Variants in GRIN1 observed in about 807,000 individuals in gnomAD.
GRIN1 encodes the protein glutamate receptor ionotropic, NMDA 1.
A neutral mutation model predicts 103.0 loss-of-function variants in GRIN1; 38 were observed. The observed-to-expected ratio is 0.37, with a 90% CI of 0.28 to 0.48. The LOEUF is 0.48. GRIN1 is among the 20% of genes least tolerant of loss of function. The pLI is 0.98. For missense variants in GRIN1, 577 were observed against 1,288.9 expected (o/e 0.45, Z 8.46); for synonymous variants, 544 against 532.7 (o/e 1.02, Z -0.29).
At position 137,167,433 on chromosome 9, in the gene GRIN1, C is replaced by T; in HGVS notation, c.2723C>T (p.Ala908Val). The T allele has an allele frequency of 6.4e-7, 1 of 1,559,906 alleles. No individual in the cohort carries two copies. The highest frequency in any genetic ancestry group is 8.7e-7 in the Non-Finnish European group (1 of 1,152,068). Residue 908 changes from alanine to valine, a missense_variant, in exon 20 of 20, where the codon GCT becomes GTT. Around this residue, in one of 9 missense-constraint regions of GRIN1, gnomAD observed 68 missense variants for 113.0 expected, o/e 0.60. Transcript: ENST00000371561. ...TAGAGCACCGGGGGTGGACGCGGCGCTTTGCAAAACCAAAAAGACACAGTG... is the reference window on the plus strand; with the variant it reads ...TAGAGCACCGGGGGTGGACGCGGCGTTTTGCAAAACCAAAAAGACACAGTG... Reference protein sequence around the residue: ...KDTSTGGGRGALQNQKDTVLP... With the variant: ...KDTSTGGGRGVLQNQKDTVLP...
intron 4 of GRIN1, among the ~76,000 whole-genome samples, chr9:137,153,484 TA>T (rs1490113789): frequency 1.3e-5 from 2 of 151,662 alleles, no homozygotes; most frequent in Non-Finnish European, 2.9e-5. Context: ...CACCATCATG[TA>T]CAGGTCATAC....
At position 137,148,899 on chromosome 9, in the gene GRIN1, G is replaced by A. The variant is rs566150891; in HGVS notation, c.571-110G>A. The A allele has an allele frequency of 2.5e-5, 20 of 787,724 alleles. No homozygotes were observed. The African/African-American group carries it at 3.4e-4, about 13-fold the overall frequency. 48.8% of individuals were successfully genotyped at this position (787,724 alleles called of 1,614,324 possible). On this transcript the variant is annotated intron_variant, in intron 3 of 19. Transcript: ENST00000371561. ...CAGGTGGCAGGCGCAGACCATGGCA[G>A]CCCTAGCTAAGCTGCCTCGGGGTTC...
intron 4 of GRIN1, among the ~76,000 whole-genome samples, chr9:137,151,345 G>A (rs1832898543): frequency 6.9e-6 from 1 of 145,962 alleles, no homozygotes; most frequent in Non-Finnish European, 1.5e-5. Flanking sequence ...TCCGCCCAGG[G>A]AAAGCCCCGC....
Position 137,161,284 on chromosome 9 carries a change from C to A in GRIN1, c.1340-5C>A. On this transcript the variant is annotated splice_region_variant and splice_polypyrimidine_tract_variant and intron_variant, in intron 9 of 19. Coordinates refer to ENST00000371561, the MANE Select transcript of GRIN1 (RefSeq NM_007327.4). ...GCCCAGCAGTTACCGCCCGCACCTA[C>A]CCAGCCCGCCACACGGTGCCTCAGT... is the stretch of plus-strand genomic sequence containing the variant. The A allele has an allele frequency of 6.2e-7, 1 of 1,612,074 alleles. No homozygotes were observed. Among genetic ancestry groups the A allele is most frequent in the Non-Finnish European group, 8.5e-7 (1 of 1,179,536 alleles).
At chr9:137,161,708 TGGAGTGGGCGGGGC>T (rs1397685717) in intron 10 of GRIN1, among the ~76,000 whole-genome samples, 320 of 4,648 alleles carry the variant, frequency 0.069, 3 homozygotes, top group African/African-American at 0.2. Flanking sequence ...GGGCGGGACG[TGGAGTGGGCGGGGC>T]CTGCTGGCTG....
chr9:137,159,564 C>T (rs920538004), intron 8 of GRIN1, among the ~76,000 whole-genome samples: 6 of 152,220 alleles, frequency 3.9e-5, no homozygotes, highest in African/African-American at 1.4e-4. Flanking sequence ...CATTGCAGCC[C>T]AGACACCTCA....
rs754711981 is a variant in GRIN1, at chr9:137,139,697, G to A, written c.211G>A (p.Ala71Thr). 2 of 1,613,912 alleles carry A rather than the reference G, an allele frequency of 1.2e-6. No individual in the cohort carries two copies. ...CACCTCCGTCACGCACAAGCCCAAC[G>A]CCATCCAGATGGCTCTGTCGGTGTG... ...NATSVTHKPN[A>T]IQMALSVCED... is the part of the protein sequence containing the mutation. The change falls in exon 1 of 20, where the codon GCC becomes ACC. Residue 71 changes from alanine (A) to threonine (T), a missense_variant. Around this residue, in one of 9 missense-constraint regions of GRIN1, gnomAD observed 308 missense variants for 553.6 expected, o/e 0.56. Coordinates refer to ENST00000371561, the MANE Select transcript of GRIN1 (RefSeq NM_007327.4). This position sits in a 1 kb window ranked among gnomAD's most constrained non-coding sequence, Gnocchi z 7.7.
rs796496684 is a variant in GRIN1, at chr9:137,151,078, GA to G, written c.671+1977del. ...TCCCGCCCAGGGAAAGCCCCGCCCAGAAAAAAAACCCGCCCAGGGAAAGCCC... is the reference window on the plus strand; with the variant it reads ...TCCCGCCCAGGGAAAGCCCCGCCCAGAAAAAAACCCGCCCAGGGAAAGCCC... On this transcript the variant is annotated intron_variant, in intron 4 of 19. Coordinates refer to ENST00000371561, the MANE Select transcript of GRIN1 (RefSeq NM_007327.4). Among the ~76,000 whole-genome samples, 44 of 86,038 alleles carry G rather than the reference GA, an allele frequency of 5.1e-4. 1 individual carries two copies. Among genetic ancestry groups the G allele is most frequent in the African/African-American group, 1.4e-3 (31 of 21,404 alleles). The allele number at this position is 86,038 out of a possible 152,430, so 56.4% of individuals were successfully genotyped here.
In GRIN1 at chr9:137,139,389, G is replaced by A. The variant is rs907367017; in HGVS notation, c.-98G>A. ...GGGAGACGTGGCGTCCGCAGCCCGC[G>A]GGGCCGGGCGAGCGCAGGACGGCCC... On this transcript the variant is annotated 5_prime_UTR_variant, in exon 1 of 20. Transcript: ENST00000371561. This position sits in a 1 kb window ranked among gnomAD's most constrained non-coding sequence, Gnocchi z 7.7. 1 of 779,654 alleles carries A rather than the reference G, an allele frequency of 1.3e-6. No homozygotes were observed. Among genetic ancestry groups the A allele is most frequent in the Non-Finnish European group, 1.7e-6 (1 of 589,156 alleles). The allele number at this position is 779,654 out of a possible 1,614,324, so 48.3% of individuals were successfully genotyped here.
chr9:137,162,101 C>A lies in GRIN1; in HGVS notation c.1632+13C>A. 1 of 248,564 alleles carries A rather than the reference C, an allele frequency of 4.0e-6. No individual in the cohort carries two copies. The highest frequency in any genetic ancestry group is 7.9e-6 in the Non-Finnish European group (1 of 127,108). 15.4% of individuals were successfully genotyped at this position (248,564 alleles called of 1,614,324 possible). On this transcript the variant is annotated intron_variant, in intron 11 of 19. Transcript: ENST00000371561. ...TCTGGTCAAGAAGGTGGGCAGGGGC[C>A]GGGTGGCGGGGTGGCGGCGGGGGGA...
intron 15 of GRIN1, 39 bp downstream of exon 15, chr9:137,163,042 T>C: frequency 4.9e-6 from 7 of 1,419,136 alleles, no homozygotes; most frequent in Non-Finnish European, 6.7e-6. Flanking sequence ...GCGGGACAGG[T>C]GCGGGGAGGG....
chr9:137,150,809 C>A, intron 4 of GRIN1, among the ~76,000 whole-genome samples: 1 of 143,306 alleles, frequency 7.0e-6, no homozygotes, highest in South Asian at 2.3e-4. Flanking sequence ...CCAGGGAAAG[C>A]CCCGCCCAGA....
chr9:137,140,696 C>A (rs986580878), intron 1 of GRIN1, among the ~76,000 whole-genome samples: 1 of 152,236 alleles, frequency 6.6e-6, no homozygotes, highest in Non-Finnish European at 1.5e-5. Context: ...CACGCATGTA[C>A]ACGAACAGAC....
intron 8 of GRIN1, among the ~76,000 whole-genome samples, chr9:137,160,443 T>G (rs1218715179): frequency 6.6e-6 from 1 of 152,038 alleles, no homozygotes; most frequent in Non-Finnish European, 1.5e-5. Flanking sequence ...TGTCTTTTTT[T>G]TTTTGAGACA....
Position 137,162,773 on chromosome 9 carries a change from A to G in GRIN1, c.2013+34A>G, listed in dbSNP as rs199941585. 158 of 1,601,620 alleles carry G rather than the reference A, an allele frequency of 9.9e-5. No homozygotes were observed. The African/African-American group carries it at 1.6e-3, about 16-fold the overall frequency. On this transcript the variant is annotated intron_variant, in intron 14 of 19. Transcript: ENST00000371561. ...TGGCCGGGCTGGGGGAGGGAATGCG[A>G]GGTGAGCTGGGGTCGGCCTCGGTTA...
chr9:137,144,037 C>T (rs889681627), intron 2 of GRIN1, among the ~76,000 whole-genome samples: 1 of 152,220 alleles, frequency 6.6e-6, no homozygotes, highest in Admixed American at 6.5e-5. Context: ...CTTCTTCATA[C>T]ATAGAGTTGT....
intron 3 of GRIN1, 98 bp downstream of exon 3, chr9:137,146,000 A>C: frequency 1.1e-6 from 1 of 887,024 alleles, no homozygotes; most frequent in Non-Finnish European, 1.8e-6. Context: ...TCTTCTTTCC[A>C]TCGTGCATGG....
At chr9:137,157,684 G>A (rs1588719710) in intron 6 of GRIN1, among the ~76,000 whole-genome samples, 1 of 152,346 alleles carries the variant, frequency 6.6e-6, no homozygotes, top group Middle Eastern at 3.4e-3. Flanking sequence ...TTAGCTCACA[G>A]CACGCCTGGA....
At chr9:137,140,590 C>T (rs1832114324) in intron 1 of GRIN1, among the ~76,000 whole-genome samples, 1 of 152,264 alleles carries the variant, frequency 6.6e-6, no homozygotes, top group Non-Finnish European at 1.5e-5. Context: ...ACATGCAGAT[C>T]CATTGACACC....
Sources: gnomAD v4.1 joint callset for allele counts (sites outside exome capture counted in the v4.1 genomes callset) on GRCh38, gnomAD v4.1.1 for gene constraint, gnomAD v4.1.1 regional missense constraint, Gnocchi (gnomAD v3.1) non-coding constraint, MANE v1.5 for transcripts, NCBI Gene and HGNC (gene_info 2026-07-23, HGNC 2026-07-21) for gene names.